Variants in MIDEAS observed in about 807,000 individuals in gnomAD.
The protein encoded by MIDEAS is mitotic deacetylase-associated SANT domain protein.
Under a neutral mutation model 102.7 loss-of-function variants are expected in MIDEAS, and 26 were observed. The observed-to-expected ratio is 0.25, with a 90% CI of 0.19 to 0.35. The LOEUF (loss-of-function observed/expected upper bound fraction) is 0.35. Ranked by LOEUF, MIDEAS falls within the 10% of genes least tolerant of loss-of-function variation. MIDEAS has a pLI of 1.00. For synonymous variants in MIDEAS, 585 were observed against 591.0 expected (o/e 0.99, Z 0.15); for missense variants, 1,231 against 1,435.6 (o/e 0.86, Z 2.30).
chr14:73,765,895 C>T (rs182403399), intron 1 of MIDEAS, among the ~76,000 whole-genome samples: 77 of 152,292 alleles, frequency 5.1e-4, no homozygotes, highest in Middle Eastern at 3.4e-3. Context: ...CAATGTCCCC[C>T]AGATGCTCTG....
At chr14:73,787,228 C>A (rs1366282046) in exon 1 of MIDEAS, 10 of 148,616 alleles carry the variant, frequency 6.7e-5, no homozygotes, top group Non-Finnish European at 1.2e-4. Flanking sequence ...GCGGTGCGGC[C>A]CGGGCTGTGC....
At chr14:73,756,295 T>TGTGTGTGTGTGTGTGTGTGCGC (rs55692592) in intron 1 of MIDEAS, among the ~76,000 whole-genome samples, 18 of 127,626 alleles carry the variant, frequency 1.4e-4, no homozygotes, top group African/African-American at 4.8e-4. Flanking sequence ...TGTGTGTGTG[T>TGTGTGTGTGTGTGTGTGTGCGC]GCGCGCGCGC....
Position 73,725,440 on chromosome 14 carries a change from T to C in MIDEAS, c.2486-80A>G, listed in dbSNP as rs1386803957. The C allele has an allele frequency of 2.6e-6, 3 of 1,164,922 alleles. No homozygotes were observed. The highest frequency in any genetic ancestry group is 2.4e-5 in the East Asian group (1 of 42,488). The allele number at this position is 1,164,922 out of a possible 1,614,324, so 72.2% of individuals were successfully genotyped here. A position where few individuals can be genotyped will look rare whatever the true frequency, so the allele number is the denominator to read the frequency against. On this transcript the variant is annotated intron_variant, in intron 8 of 12. Coordinates refer to ENST00000423556, the MANE Select transcript of MIDEAS (RefSeq NM_001367710.1). This position sits in a 1 kb window ranked among gnomAD's most constrained non-coding sequence, Gnocchi z 4.1. Reference sequence around the variant, plus strand: ...AGGGCAATTTTGACAAGCAAAAAAGTGTGAGGCCATCCGCCCATGGTTTCT... The same window carrying C: ...AGGGCAATTTTGACAAGCAAAAAAGCGTGAGGCCATCCGCCCATGGTTTCT...
At chr14:73,743,551 G>A (rs534324464) in intron 1 of MIDEAS, among the ~76,000 whole-genome samples, 135 of 152,150 alleles carry the variant, frequency 8.9e-4, no homozygotes, top group African/African-American at 2.9e-3. Context: ...CCTGCAACTC[G>A]GGGTCAGGAC....
rs75800924 is a variant in MIDEAS at position 73,758,642 on chromosome 14, C to T, written c.-248+1121G>A. On this transcript the variant is annotated intron_variant, in intron 1 of 12. Transcript: ENST00000423556. ...AGGCTCCACAGGCTGGCACACAGGT[C>T]CCACGTGGGATGGTGGAAACAGGAA... 8.5e-3 allele frequency: 1,312 copies of T among 154,414 alleles called. 23 individuals carry two copies. The highest frequency in any genetic ancestry group is 0.03 in the African/African-American group (1,230 of 41,610). 9.6% of individuals were successfully genotyped at this position (154,414 alleles called of 1,614,324 possible). A position where few individuals can be genotyped will look rare whatever the true frequency, so the allele number is the denominator to read the frequency against.
rs1015717746 is a variant in MIDEAS, at chr14:73,725,599, C to G, written c.2486-239G>C. Among the ~76,000 whole-genome samples the G allele has an allele frequency of 6.6e-6, 1 of 152,210 alleles. No homozygotes were observed. The highest frequency in any genetic ancestry group is 1.5e-5 in the Non-Finnish European group (1 of 68,052). On this transcript the variant is annotated intron_variant, in intron 8 of 12. Transcript: ENST00000423556. The surrounding 1 kb of genome is among the most constrained non-coding windows in gnomAD (Gnocchi z 4.1). ...ATTAAATAAGATAATGCATGTGAAACCCTTGGTGCTCTGCCTGGTGCAGAT... is the reference window on the plus strand; with the variant it reads ...ATTAAATAAGATAATGCATGTGAAAGCCTTGGTGCTCTGCCTGGTGCAGAT...
At chr14:73,777,375 C>G (rs1228292152) in intron 1 of MIDEAS, among the ~76,000 whole-genome samples, 1 of 152,006 alleles carries the variant, frequency 6.6e-6, no homozygotes, top group Admixed American at 6.6e-5. Flanking sequence ...ACCAGATAGC[C>G]TTCCAATACA....
In MIDEAS at chr14:73,740,051, G is replaced by T; in HGVS notation, c.-43C>A. The T allele has an allele frequency of 7.0e-7, 1 of 1,435,602 alleles. No homozygotes were observed. The highest frequency in any genetic ancestry group is 9.2e-7 in the Non-Finnish European group (1 of 1,092,506). 88.9% of individuals were successfully genotyped at this position (1,435,602 alleles called of 1,614,324 possible). A position where few individuals can be genotyped will look rare whatever the true frequency, so the allele number is the denominator to read the frequency against. On this transcript the variant is annotated 5_prime_UTR_variant, in exon 2 of 13. In the 5' UTR this introduces an upstream ATG that the reference lacks. Coordinates refer to ENST00000423556, the MANE Select transcript of MIDEAS (RefSeq NM_001367710.1). ...CCTGGCGGTGAGATCCCCTTCAACA[G>T]TCGCCCATCCCCTGGGGAAACGTCC...
chr14:73,732,481 T>TGAC (rs2053150663), intron 3 of MIDEAS, among the ~76,000 whole-genome samples: 1 of 152,188 alleles, frequency 6.6e-6, no homozygotes, highest in South Asian at 2.1e-4. Context: ...TTTAAGGAAC[T>TGAC]GACACAATAA....
rs765961232 is a variant in MIDEAS, at chr14:73,729,720, T to C, written c.2015A>G (p.Asn672Ser). 2.7e-5 allele frequency: 43 copies of C among 1,613,856 alleles called. No homozygotes were observed. In the Admixed American group the frequency reaches 5.8e-4, roughly 22 times the overall value. ...PVREGSGLYFNAIISTSTIPA... is the reference protein window; with the variant it reads ...PVREGSGLYFSAIISTSTIPA... ...GATGGTGCTGGTTGATATGATGGCATTGAAGTAGAGGCCAGAGCCTTCCCG... is the reference window on the plus strand; with the variant it reads ...GATGGTGCTGGTTGATATGATGGCACTGAAGTAGAGGCCAGAGCCTTCCCG... The change falls in exon 4 of 13, where the codon AAT (asparagine) becomes AGT (serine). Residue 672 changes from asparagine (N) to serine (S), a missense_variant. This residue lies in a region of MIDEAS where 391 missense variants were observed against 483.0 expected (regional missense o/e 0.81). Coordinates refer to ENST00000423556, the MANE Select transcript of MIDEAS (RefSeq NM_001367710.1).
upstream of MIDEAS, among the ~76,000 whole-genome samples, chr14:73,761,026 G>A (rs2053549755): frequency 6.6e-6 from 1 of 152,208 alleles, no homozygotes; most frequent in Admixed American, 6.5e-5. Context: ...CTAGGGCCAG[G>A]GGAAAGTTCA....
intron 1 of MIDEAS, among the ~76,000 whole-genome samples, chr14:73,784,039 T>C (rs2053782569): frequency 6.6e-6 from 1 of 152,236 alleles, no homozygotes; most frequent in South Asian, 2.1e-4. Flanking sequence ...CTGCATTGGC[T>C]TCTCTCAGTG....
intron 1 of MIDEAS, among the ~76,000 whole-genome samples, chr14:73,772,929 C>G (rs924319201): frequency 6.6e-6 from 1 of 151,594 alleles, no homozygotes; most frequent in Non-Finnish European, 1.5e-5. Flanking sequence ...AACCTCCACC[C>G]CCCAGTTCAA....
chr14:73,730,912 C>T (rs540486776), intron 3 of MIDEAS, among the ~76,000 whole-genome samples: 6 of 152,144 alleles, frequency 3.9e-5, no homozygotes, highest in East Asian at 1.9e-4. Flanking sequence ...GAGCCAAGGT[C>T]GTGCCACTGC....
Position 73,725,607 on chromosome 14 carries a change from G to A in MIDEAS, c.2486-247C>T, listed in dbSNP as rs1185179038. Among the ~76,000 whole-genome samples, 1 of 152,220 alleles carries A rather than the reference G, an allele frequency of 6.6e-6. No homozygotes were observed. The highest frequency in any genetic ancestry group is 1.5e-5 in the Non-Finnish European group (1 of 68,032). On this transcript the variant is annotated intron_variant, in intron 8 of 12. Coordinates refer to ENST00000423556, the MANE Select transcript of MIDEAS (RefSeq NM_001367710.1). This position sits in a 1 kb window ranked among gnomAD's most constrained non-coding sequence, Gnocchi z 4.1. ...AGATAATGCATGTGAAACCCTTGGTGCTCTGCCTGGTGCAGATGAAATGTA... is the reference window on the plus strand; with the variant it reads ...AGATAATGCATGTGAAACCCTTGGTACTCTGCCTGGTGCAGATGAAATGTA...
intron 3 of MIDEAS, chr14:73,730,219 G>T (rs778467788): frequency 1.4e-6 from 1 of 699,750 alleles, no homozygotes. Context: ...GGCTTTGTGG[G>T]CCACATGTGA....
At chr14:73,773,803 A>G (rs1235476841) in intron 1 of MIDEAS, among the ~76,000 whole-genome samples, 1 of 151,786 alleles carries the variant, frequency 6.6e-6, no homozygotes, top group Non-Finnish European at 1.5e-5. Context: ...CGGGTGGATC[A>G]CTTGAGGTCA....
rs2052876312 is a variant in MIDEAS, at chr14:73,715,725, A to T, written c.*3118T>A. ...CAACTAAACAGGCTGAGGCTTGAGT[A>T]TGTGTTGTATTCCTCCTTCATCTTA... On this transcript the variant is annotated 3_prime_UTR_variant, in exon 13 of 13. Transcript: ENST00000423556. The T allele has an allele frequency of 2.0e-5, 3 of 152,736 alleles. No homozygotes were observed. In the South Asian group the frequency reaches 6.2e-4, roughly 32 times the overall value. 9.5% of individuals were successfully genotyped at this position (152,736 alleles called of 1,614,324 possible). A position where few individuals can be genotyped will look rare whatever the true frequency, so the allele number is the denominator to read the frequency against.
upstream of MIDEAS, among the ~76,000 whole-genome samples, chr14:73,763,199 G>A (rs2053567465): frequency 6.6e-6 from 1 of 152,168 alleles, no homozygotes. Flanking sequence ...TTAGCCAGGT[G>A]TGGTGGCACA....
Sources: allele counts gnomAD v4.1 joint callset (sites outside exome capture counted in the v4.1 genomes callset), GRCh38; gene constraint gnomAD v4.1.1; regional missense constraint gnomAD v4.1.1; non-coding constraint Gnocchi (gnomAD v3.1); transcripts MANE v1.5; gene names NCBI Gene and HGNC (gene_info 2026-07-23, HGNC 2026-07-21).